GRM7: variants seen among roughly 807,000 people sequenced by gnomAD.
The protein encoded by GRM7 is glutamate metabotropic receptor 7.
Under a neutral mutation model 84.5 loss-of-function variants are expected in GRM7, and 35 were observed. The observed-to-expected ratio is 0.41, with a 90% CI of 0.32 to 0.55. GRM7 has a LOEUF of 0.55. GRM7 is among the 20% of genes least tolerant of loss of function. GRM7 has a pLI of 0.19. For missense variants in GRM7, 1,003 were observed against 1,194.6 expected, an observed-to-expected ratio of 0.84 and a Z score of 2.36; for synonymous variants, 487 against 455.1, an observed-to-expected ratio of 1.07 and a Z score of -0.89.
Position 7,319,165 on chromosome 3 carries a change from T to A in GRM7, c.1033+12513T>A, listed in dbSNP as rs146525245. 2.4e-3 allele frequency among the ~76,000 whole-genome samples: 361 copies of A among 152,156 alleles called. 2 individuals are homozygous for A. Among genetic ancestry groups the A allele is most frequent in the African/African-American group, 6.5e-3 (270 of 41,538 alleles). ...TCAGACAAAAAACATCAGACCATTA[T>A]AATGTCAGAGGATGGATCGTGATAA... On this transcript the variant is annotated intron_variant, in intron 4 of 9. Coordinates refer to ENST00000357716, the MANE Select transcript of GRM7 (RefSeq NM_000844.4).
chr3:7,087,615 T>C (rs747632296), intron 1 of GRM7, among the ~76,000 whole-genome samples: 2 of 152,156 alleles, frequency 1.3e-5, no homozygotes, highest in Non-Finnish European at 2.9e-5. Context: ...AGCTTTATTA[T>C]AAGTCAATAC....
chr3:7,132,951 G>A (rs563715072), intron 1 of GRM7, among the ~76,000 whole-genome samples: 68 of 152,074 alleles, frequency 4.5e-4, no homozygotes, highest in African/African-American at 1.6e-3. Flanking sequence ...CTGAATAATC[G>A]ATTTTTTTTT....
At chr3:7,450,646 G>A (rs1297410282) in intron 5 of GRM7, among the ~76,000 whole-genome samples, 3 of 151,960 alleles carry the variant, frequency 2.0e-5, no homozygotes, top group Non-Finnish European at 4.4e-5. Flanking sequence ...GAGTGTCAAG[G>A]TTAAGCAAAA....
intron 8 of GRM7, among the ~76,000 whole-genome samples, chr3:7,679,566 C>G (rs1333474052): frequency 1.3e-5 from 2 of 152,200 alleles, no homozygotes; most frequent in Non-Finnish European, 1.5e-5. Context: ...AAAAGGCGTG[C>G]CTTTCTAGAA....
intron 9 of GRM7, among the ~76,000 whole-genome samples, chr3:7,707,753 T>C (rs1701434854): frequency 6.6e-6 from 1 of 152,116 alleles, no homozygotes; most frequent in Non-Finnish European, 1.5e-5. Context: ...CCACAAAAAT[T>C]CCAAGCTCCC....
intron 1 of GRM7, among the ~76,000 whole-genome samples, chr3:6,920,044 TC>T: frequency 6.6e-6 from 1 of 152,204 alleles, no homozygotes; most frequent in Non-Finnish European, 1.5e-5. Flanking sequence ...GACAAAGCTA[TC>T]TTGTATTCTT....
rs144713980 is a variant in GRM7 at position 7,622,538 on chromosome 3, G to C, written c.2451+43181G>C. Among the ~76,000 whole-genome samples the C allele has an allele frequency of 6.3e-3, 955 of 152,138 alleles. 16 individuals are homozygous for C. Among genetic ancestry groups the C allele is most frequent in the African/African-American group, 0.022 (896 of 41,522 alleles). On this transcript the variant is annotated intron_variant, in intron 8 of 9. Coordinates refer to ENST00000357716, the MANE Select transcript of GRM7 (RefSeq NM_000844.4). ...AAATAGAAAATTGCAACTGTGTTAA[G>C]TGCCATAAAGGAGAGGCGAGAGGCA... is the stretch of plus-strand genomic sequence containing the variant.
chr3:7,707,053 AT>A, intron 9 of GRM7, among the ~76,000 whole-genome samples: 1 of 152,320 alleles, frequency 6.6e-6, no homozygotes, highest in Non-Finnish European at 1.5e-5. Flanking sequence ...CTGCATTGAA[AT>A]GAGAGTATAA....
At chr3:7,056,415 C>T (rs554240178) in intron 1 of GRM7, among the ~76,000 whole-genome samples, 1 of 152,084 alleles carries the variant, frequency 6.6e-6, no homozygotes, top group East Asian at 1.9e-4. Context: ...GGCTTATCAC[C>T]TCAGTCCACC....
chr3:7,152,076 C>G (rs1694304135), intron 2 of GRM7, among the ~76,000 whole-genome samples: 1 of 152,138 alleles, frequency 6.6e-6, no homozygotes, highest in African/African-American at 2.4e-5. Context: ...TCACAAAATT[C>G]TTATAATGTC....
Position 7,238,988 on chromosome 3 carries a change from TC to T in GRM7, c.737-59695del, listed in dbSNP as rs1575068429. ...TTTTATTATTCTTTTCCCTTTCTTT[TC>T]TTTTTTCCTTTTTCTTTTTTTTGAC... On this transcript the variant is annotated intron_variant, in intron 2 of 9. Transcript: ENST00000357716. Among the ~76,000 whole-genome samples, 4 of 110,054 alleles carry T rather than the reference TC, an allele frequency of 3.6e-5. No individual in the cohort carries two copies. The East Asian group carries it at 8.1e-4, about 22-fold the overall frequency. The allele number at this position is 110,054 out of a possible 152,430, so 72.2% of individuals were successfully genotyped here.
intron 1 of GRM7, among the ~76,000 whole-genome samples, chr3:6,922,326 T>A (rs914803000): frequency 6.6e-6 from 1 of 152,182 alleles, no homozygotes; most frequent in Non-Finnish European, 1.5e-5. Flanking sequence ...CCGAAGATAG[T>A]CACTTTTTTT....
At chr3:7,422,338 C>T (rs1696431443) in intron 5 of GRM7, among the ~76,000 whole-genome samples, 1 of 152,166 alleles carries the variant, frequency 6.6e-6, no homozygotes, top group South Asian at 2.1e-4. Context: ...GAACCTTTTA[C>T]AATGACGGAC....
At chr3:7,199,223 C>A (rs1460600211) in intron 2 of GRM7, among the ~76,000 whole-genome samples, 2 of 152,202 alleles carry the variant, frequency 1.3e-5, no homozygotes, top group Non-Finnish European at 2.9e-5. Context: ...TCTTGGGAAT[C>A]TGTTCACCAT....
At chr3:7,641,273 C>T (rs544642904) in intron 8 of GRM7, among the ~76,000 whole-genome samples, 2 of 152,062 alleles carry the variant, frequency 1.3e-5, no homozygotes, top group Non-Finnish European at 2.9e-5. Flanking sequence ...AATTTTGAGA[C>T]CAATTATCTG....
intron 4 of GRM7, among the ~76,000 whole-genome samples, chr3:7,375,932 A>G (rs878855771): frequency 3.9e-5 from 6 of 151,996 alleles, no homozygotes; most frequent in Admixed American, 3.3e-4. Context: ...TGCGTTCCCT[A>G]CTAGACCAAC....
chr3:7,360,135 CTCTGTGTGTGTGTGTGTG>C (rs1342211259), intron 4 of GRM7, among the ~76,000 whole-genome samples: 2 of 102,950 alleles, frequency 1.9e-5, no homozygotes, highest in African/African-American at 8.9e-5. Context: ...TTTTTTTTCC[CTCTGTGTGTGTGTGTGTG>C]TGTGTGTGTG....
intron 9 of GRM7, among the ~76,000 whole-genome samples, chr3:7,688,726 C>A (rs1470157708): frequency 6.6e-6 from 1 of 152,134 alleles, no homozygotes; most frequent in East Asian, 1.9e-4. Context: ...ACCACAGATT[C>A]AAGAGTAAAT....
rs191793166 is a variant in GRM7, at chr3:7,428,524, G to A, written c.1174+13361G>A. On this transcript the variant is annotated intron_variant, in intron 5 of 9. Transcript: ENST00000357716. ...TCTTGAAAAGTGTACATTCATGAGT[G>A]CTTACTCATGAAAAGAAAGAACTGC... Among the ~76,000 whole-genome samples the A allele has an allele frequency of 2.6e-5, 4 of 152,296 alleles. No individual in the cohort carries two copies. The East Asian group carries it at 5.8e-4, about 22-fold the overall frequency.
Sources: gnomAD v4.1 joint callset for allele counts (sites outside exome capture counted in the v4.1 genomes callset) on GRCh38, gnomAD v4.1.1 for gene constraint, MANE v1.5 for transcripts, NCBI Gene and HGNC (gene_info 2026-07-23, HGNC 2026-07-21) for gene names.